The following RASAL2 variants were observed in gnomAD, a reference collection of about 807,000 sequenced individuals.
RASAL2 encodes the protein ras GTPase-activating protein nGAP.
RASAL2 carries 58 observed loss-of-function variants against 128.9 expected under a neutral mutation model. That is an observed-to-expected ratio of 0.45 (90% CI 0.36 to 0.56). The LOEUF is 0.56. Ranked by LOEUF, RASAL2 falls within the 20% of genes least tolerant of loss-of-function variation. The probability of loss-of-function intolerance (pLI) is 0.00; values close to 1 mark genes in which losing one functional copy is unlikely to be tolerated. For synonymous variants in RASAL2, 561 were observed against 580.8 expected, an observed-to-expected ratio of 0.97 and a Z score of 0.49; for missense variants, 1,360 against 1,601.6, an observed-to-expected ratio of 0.85 and a Z score of 2.57.
At position 178,473,770 on chromosome 1, in the gene RASAL2, A is replaced by G. The variant is rs1648488865; in HGVS notation, c.*531A>G. The G allele has an allele frequency of 6.4e-6, 1 of 155,166 alleles. No homozygotes were observed. Among genetic ancestry groups the G allele is most frequent in the African/African-American group, 2.4e-5 (1 of 41,486 alleles). 9.6% of individuals were successfully genotyped at this position (155,166 alleles called of 1,614,324 possible). Reference sequence around the variant, plus strand: ...TGGCCCTCTTGTCCTTTCAGAAAACATGCAAATACCAAGATCCATACAAAA... The same window carrying G: ...TGGCCCTCTTGTCCTTTCAGAAAACGTGCAAATACCAAGATCCATACAAAA... On this transcript the variant is annotated 3_prime_UTR_variant, in exon 18 of 18. Coordinates refer to ENST00000367649, the MANE Select transcript of RASAL2 (RefSeq NM_170692.4).
intron 1 of RASAL2, among the ~76,000 whole-genome samples, chr1:178,101,065 C>G (rs1176538479): frequency 6.6e-6 from 1 of 152,056 alleles, no homozygotes; most frequent in African/African-American, 2.4e-5. Flanking sequence ...TGTAGAAAAC[C>G]CTTTTGCAAA....
At chr1:178,202,913 A>G (rs994062424) in intron 1 of RASAL2, among the ~76,000 whole-genome samples, 27 of 152,210 alleles carry the variant, frequency 1.8e-4, no homozygotes, top group African/African-American at 6.3e-4. Flanking sequence ...GGGCTCAGCA[A>G]CATGGACTTC....
chr1:178,193,114 A>G (rs1662546183), intron 1 of RASAL2, among the ~76,000 whole-genome samples: 1 of 152,190 alleles, frequency 6.6e-6, no homozygotes, highest in Non-Finnish European at 1.5e-5. Flanking sequence ...GTTTGAGGGA[A>G]CTCATCCCAA....
chr1:178,228,970 C>T (rs1316605853), intron 1 of RASAL2, among the ~76,000 whole-genome samples: 2 of 152,034 alleles, frequency 1.3e-5, no homozygotes, highest in Non-Finnish European at 2.9e-5. Flanking sequence ...TATTTACTTG[C>T]GTATTGTTTT....
At chr1:178,415,054 T>G (rs534285407) in intron 4 of RASAL2, among the ~76,000 whole-genome samples, 2 of 152,270 alleles carry the variant, frequency 1.3e-5, no homozygotes, top group South Asian at 4.1e-4. Context: ...ATCTATTGAT[T>G]TATTGTTTTC....
chr1:178,360,019 C>T (rs1307374644), intron 3 of RASAL2, among the ~76,000 whole-genome samples: 1 of 152,128 alleles, frequency 6.6e-6, no homozygotes, highest in African/African-American at 2.4e-5. Flanking sequence ...TTATTTACCC[C>T]AGTTCTTGCC....
At position 178,441,616 on chromosome 1, in the gene RASAL2, A is replaced by C. The variant is rs2102841926; in HGVS notation, c.896A>C (p.Glu299Ala). ...GCTTCTGAGAGAGACAAGTGGATGG[A>C]AAACCTTCGCAGGACAGTTCAACCT... ...NSASERDKWM[E>A]NLRRTVQPNK... The change falls in exon 7 of 18, where the codon GAA becomes GCA. Residue 299 changes from glutamate (E) to alanine (A), a missense_variant. By Grantham distance (107) the Glu-to-Ala change is moderately radical (BLOSUM62 -1). Coordinates refer to ENST00000367649, the MANE Select transcript of RASAL2 (RefSeq NM_170692.4). The C allele has an allele frequency of 1.2e-6, 2 of 1,612,628 alleles. No homozygotes were observed. Among genetic ancestry groups the C allele is most frequent in the Non-Finnish European group, 1.7e-6 (2 of 1,179,070 alleles).
intron 4 of RASAL2, among the ~76,000 whole-genome samples, chr1:178,391,922 C>T (rs2102612717): frequency 6.6e-6 from 1 of 152,204 alleles, no homozygotes; most frequent in East Asian, 1.9e-4. Context: ...AATTGGACCC[C>T]AAAATTATAG....
At chr1:178,439,024 AAG>A (rs1259772821) in intron 5 of RASAL2, among the ~76,000 whole-genome samples, 3 of 151,954 alleles carry the variant, frequency 2.0e-5, no homozygotes, top group South Asian at 2.1e-4. Context: ...GAAAAACAAA[AAG>A]AAATCATTTG....
intron 1 of RASAL2, among the ~76,000 whole-genome samples, chr1:178,102,498 A>C (rs1350368249): frequency 6.6e-6 from 1 of 152,134 alleles, no homozygotes; most frequent in Admixed American, 6.6e-5. Flanking sequence ...CTGGGACTAC[A>C]GGAGTGTGCT....
At chr1:178,106,496 G>C (rs1462730396) in intron 1 of RASAL2, among the ~76,000 whole-genome samples, 1 of 152,182 alleles carries the variant, frequency 6.6e-6, no homozygotes, top group East Asian at 1.9e-4. Context: ...CTGTATCAAC[G>C]TATGGACCTT....
At chr1:178,376,695 T>C (rs1341136433) in intron 3 of RASAL2, among the ~76,000 whole-genome samples, 1 of 152,172 alleles carries the variant, frequency 6.6e-6, no homozygotes, top group African/African-American at 2.4e-5. Context: ...CCATTTATGT[T>C]GTTATTTGTG....
intron 1 of RASAL2, among the ~76,000 whole-genome samples, chr1:178,230,006 A>G (rs959907045): frequency 1.9e-4 from 29 of 151,936 alleles, no homozygotes; most frequent in African/African-American, 6.3e-4. Context: ...TTTTTTTTCT[A>G]TTATAGATTA....
At chr1:178,389,665 CTT>C (rs919229471) in intron 3 of RASAL2, among the ~76,000 whole-genome samples, 11 of 152,204 alleles carry the variant, frequency 7.2e-5, no homozygotes, top group Non-Finnish European at 2.9e-5. Context: ...ACAGAACTAA[CTT>C]TGACCTTTGT....
chr1:178,362,989 A>C (rs1241866381), intron 3 of RASAL2, among the ~76,000 whole-genome samples: 1 of 152,118 alleles, frequency 6.6e-6, no homozygotes, highest in African/African-American at 2.4e-5. Flanking sequence ...TTTTTTAATA[A>C]GATTGTGATT....
At chr1:178,424,865 G>C (rs1675420770) in intron 5 of RASAL2, among the ~76,000 whole-genome samples, 1 of 152,142 alleles carries the variant, frequency 6.6e-6, no homozygotes, top group Non-Finnish European at 1.5e-5. Flanking sequence ...AAGAAAGCAA[G>C]CTGTGAAAAA....
rs375380143 is a variant in RASAL2 at position 178,107,113 on chromosome 1, TC to T, written c.202+12420del. 4.7e-3 allele frequency among the ~76,000 whole-genome samples: 722 copies of T among 152,314 alleles called. 9 individuals are homozygous for T. The highest frequency in any genetic ancestry group is 0.024 in the South Asian group (116 of 4,834). On this transcript the variant is annotated intron_variant, in intron 1 of 17. Coordinates refer to ENST00000367649, the MANE Select transcript of RASAL2 (RefSeq NM_170692.4). ...AACTTATTAAACATGATAAGTCATT[TC>T]TCCATTTTATCAGGGAAATAATTGT...
At chr1:178,468,118 C>T (rs1244108262) in intron 17 of RASAL2, among the ~76,000 whole-genome samples, 1 of 152,214 alleles carries the variant, frequency 6.6e-6, no homozygotes, top group Non-Finnish European at 1.5e-5. Flanking sequence ...ATGATTAGAG[C>T]AAAATCCAGG....
chr1:178,418,254 C>T (rs1674900227), intron 4 of RASAL2, among the ~76,000 whole-genome samples: 1 of 152,148 alleles, frequency 6.6e-6, no homozygotes, highest in African/African-American at 2.4e-5. Flanking sequence ...TCAATTAACA[C>T]ATCTTTTGTG....
Sources: gnomAD v4.1 joint callset for allele counts (sites outside exome capture counted in the v4.1 genomes callset) on GRCh38, gnomAD v4.1.1 for gene constraint, MANE v1.5 for transcripts, NCBI Gene and HGNC (gene_info 2026-07-23, HGNC 2026-07-21) for gene names.